Variants in UROC1 observed in about 807,000 individuals in gnomAD.
UROC1 encodes urocanate hydratase 1.
A neutral mutation model predicts 89.5 loss-of-function variants in UROC1; 79 were observed. The observed-to-expected ratio is 0.88, with a 90% confidence interval of 0.74 to 1.06. UROC1 has a LOEUF of 1.06. Among genes scored for constraint, UROC1 ranks in the 50% least tolerant of loss-of-function variants. The pLI is 0.00. For synonymous variants in UROC1, 361 were observed against 354.8 expected, an observed-to-expected ratio of 1.02 and a Z score of -0.20; for missense variants, 885 against 907.8, an observed-to-expected ratio of 0.97 and a Z score of 0.32.
rs779870502 is a variant in UROC1, at chr3:126,496,125, A to C, written c.1439-17T>G. The C allele has an allele frequency of 2.5e-6, 4 of 1,610,738 alleles. No individual in the cohort carries two copies. The Admixed American group carries it at 6.7e-5, about 27-fold the overall frequency. ...ACACCTTCACTGCAGGAGAGAGGAC[A>C]GCAGGCGTCAGAGACCCTCCAGGGG... is the stretch of plus-strand genomic sequence containing the variant. On this transcript the variant is annotated splice_polypyrimidine_tract_variant and intron_variant, in intron 14 of 19. Coordinates refer to ENST00000290868, the MANE Select transcript of UROC1 (RefSeq NM_144639.3).
rs1424414239 is a variant in UROC1 at position 126,483,376 on chromosome 3, G to A, written c.1883C>T (p.Ser628Phe). The A allele has an allele frequency of 6.2e-7, 1 of 1,613,126 alleles. No homozygotes were observed. The highest frequency in any genetic ancestry group is 2.2e-5 in the East Asian group (1 of 44,878). ...AGGACTGGGCTGACTTACACCATTGGAGACATCCCAGCTGAGCATCAGCCT... is the reference window on the plus strand; with the variant it reads ...AGGACTGGGCTGACTTACACCATTGAAGACATCCCAGCTGAGCATCAGCCT... ...RARLMLSWDV[S>F]NGVARRCWSG... Residue 628 changes from serine (S) to phenylalanine (F), a missense_variant, in exon 19 of 20, where the codon TCC becomes TTC. Physicochemically the swap from Ser to Phe is radical, Grantham distance 155. Coordinates refer to ENST00000290868, the MANE Select transcript of UROC1 (RefSeq NM_144639.3).
intron 16 of UROC1, 121 bp from the exon 17 acceptor site, chr3:126,489,496 C>A (rs545882844): frequency 5.2e-6 from 4 of 773,314 alleles, no homozygotes; most frequent in African/African-American, 3.4e-5. Context: ...GGAAAATAGA[C>A]CCTCTTCACA....
intron 16 of UROC1, among the ~76,000 whole-genome samples, chr3:126,491,225 AT>A (rs763772260): frequency 1.3e-5 from 2 of 151,958 alleles, no homozygotes; most frequent in Non-Finnish European, 2.9e-5. Flanking sequence ...CGCCATGTTC[AT>A]TTCCTGCACG....
At position 126,498,120 on chromosome 3, in the gene UROC1, C is replaced by T. The variant is rs762380311; in HGVS notation, c.1369G>A (p.Asp457Asn). Residue 457 changes from aspartate (D) to asparagine (N), a missense_variant, in exon 14 of 20, where the codon GAC becomes AAC. Transcript: ENST00000290868. ...TCTGTGACCGCCAGGTCCTGGGGGT[C>T]CCCCGATGTGCACACCCAGCGGAAA... The part of the protein sequence containing the change: ...GPFRWVCTSG[D>N]PQDLAVTDEL... The T allele has an allele frequency of 6.2e-6, 10 of 1,614,060 alleles. No homozygotes were observed. The African/African-American group carries it at 1.1e-4, about 17-fold the overall frequency.
At chr3:126,504,925 G>A (rs1936019194) in intron 8 of UROC1, among the ~76,000 whole-genome samples, 1 of 152,180 alleles carries the variant, frequency 6.6e-6, no homozygotes. Flanking sequence ...CTGATGGGGG[G>A]TGTTTGGGTC....
At chr3:126,502,064 A>C in intron 9 of UROC1, 2 of 1,107,652 alleles carry the variant, frequency 1.8e-6, no homozygotes, top group Non-Finnish European at 2.5e-6. Flanking sequence ...ATTTTGATGT[A>C]TGTGTATGTG....
chr3:126,496,092 C>T lies in UROC1; in HGVS notation c.1455G>A (p.Lys485=). The change falls in exon 15 of 20, where the codon AAG becomes AAA. Residue 485 remains lysine (K), a synonymous_variant. Transcript: ENST00000290868. ...AIADGVKVSV[K]LQYMDNIRWI... The stretch of plus-strand genomic sequence containing the variant: ...AGCGGATGTTGTCCATGTACTGCAG[C>T]TTCACAGACACCTTCACTGCAGGAG... The T allele has an allele frequency of 6.2e-7, 1 of 1,613,340 alleles. No homozygotes were observed.
In UROC1 at chr3:126,483,432, C is replaced by T; in HGVS notation, c.1827G>A (p.Leu609=). The change falls in exon 19 of 20, where the codon CTG becomes CTA. Residue 609 remains leucine (L), a synonymous_variant. Transcript: ENST00000290868. ...TCCCCTCGGCCTCCGGGGTACCGTC[C>T]AGCACGAGGCCGAATCCCCCGTTGA... The part of the protein sequence containing the change: ...EVINGGFGLV[L]DGTPEAEGRA... The T allele has an allele frequency of 6.2e-7, 1 of 1,613,852 alleles. No individual in the cohort carries two copies. Among genetic ancestry groups the T allele is most frequent in the African/African-American group, 1.3e-5 (1 of 75,066 alleles).
rs777162900 is a variant in UROC1 at position 126,505,928 on chromosome 3, G to A, written c.669+17C>T. The A allele has an allele frequency of 2.6e-5, 41 of 1,607,646 alleles. No homozygotes were observed. The highest frequency in any genetic ancestry group is 1.8e-4 in the African/African-American group (13 of 73,866). On this transcript the variant is annotated intron_variant, in intron 7 of 19. Transcript: ENST00000290868. ...CATGCTGGGAAGCCCACAGCCAGGC[G>A]TGGCCCCATCTCTCACCACAGTGCC... is the stretch of plus-strand genomic sequence containing the variant.
rs1935439499 is a variant in UROC1 at position 126,483,458 on chromosome 3, T to A, written c.1801A>T (p.Ile601Phe). ...NGGGVGWGEVINGGFGLVLDG... is the reference protein window; with the variant it reads ...NGGGVGWGEVFNGGFGLVLDG... ...AGCACGAGGCCGAATCCCCCGTTGA[T>A]CACCTCACCCCTGCAGGAGGCAGAG... The change falls in exon 19 of 20, where the codon ATC (isoleucine) becomes TTC (phenylalanine). Residue 601 changes from isoleucine to phenylalanine, a missense_variant. Coordinates refer to ENST00000290868, the MANE Select transcript of UROC1 (RefSeq NM_144639.3). The A allele has an allele frequency of 6.2e-7, 1 of 1,613,732 alleles. No individual in the cohort carries two copies. Among genetic ancestry groups the A allele is most frequent in the South Asian group, 1.1e-5 (1 of 91,084 alleles).
Position 126,500,147 on chromosome 3 carries a change from TCC to T in UROC1, c.1151_1152del (p.Arg384LysfsTer94), listed in dbSNP as rs771687007. 5.0e-6 allele frequency: 8 copies of T among 1,613,664 alleles called. No individual in the cohort carries two copies. The highest frequency in any genetic ancestry group is 6.8e-6 in the Non-Finnish European group (8 of 1,179,970). ...AACCTGTTGATGGCTGAGACTTGCC[TCC>T]TCAGGCTGCAACAAGCCATGGGTCA... ...VFKDLVQESL[R>X]RQVSAINRLA... On this transcript the variant is annotated frameshift_variant, in exon 12 of 20. Transcript: ENST00000290868. LOFTEE classifies it high-confidence loss of function.
intron 1 of UROC1, among the ~76,000 whole-genome samples, chr3:126,514,413 C>T (rs991630629): frequency 6.6e-6 from 1 of 152,146 alleles, no homozygotes; most frequent in African/African-American, 2.4e-5. Flanking sequence ...CTGCTCCAGT[C>T]GTGTGACTGA....
chr3:126,507,517 T>A (rs2107547920), intron 6 of UROC1, among the ~76,000 whole-genome samples: 1 of 152,270 alleles, frequency 6.6e-6, no homozygotes, highest in East Asian at 1.9e-4. Context: ...TAATAAAATG[T>A]GGAAAAAGGC....
intron 13 of UROC1, among the ~76,000 whole-genome samples, 184 bp from the exon 14 acceptor site, chr3:126,498,356 C>T (rs919348690): frequency 2.0e-5 from 3 of 152,148 alleles, no homozygotes; most frequent in Admixed American, 2.0e-4. Flanking sequence ...GTGCCCCCAG[C>T]CCTCCATCCC....
intron 8 of UROC1, 66 bp downstream of exon 8, chr3:126,505,635 A>AGAAG: frequency 7.8e-7 from 1 of 1,289,020 alleles, no homozygotes; most frequent in East Asian, 2.9e-5. Context: ...TCCGGGAGGA[A>AGAAG]GAAGGGAGGG....
At chr3:126,500,472 C>T (rs1935891652) in intron 11 of UROC1, among the ~76,000 whole-genome samples, 1 of 152,246 alleles carries the variant, frequency 6.6e-6, no homozygotes, top group Non-Finnish European at 1.5e-5. Context: ...CATGCCGGGA[C>T]TACACTGGGC....
At chr3:126,509,506 G>T in intron 3 of UROC1, 79 bp downstream of exon 3, 1 of 1,303,218 alleles carries the variant, frequency 7.7e-7, no homozygotes. Context: ...TCAAAATTAA[G>T]AGCTTAAAAG....
chr3:126,507,848 G>C, intron 5 of UROC1, 45 bp from the exon 6 acceptor site: 2 of 1,613,668 alleles, frequency 1.2e-6, no homozygotes, highest in South Asian at 2.2e-5. Context: ...AGGGCTTGGA[G>C]GGCGAGCACA....
At chr3:126,503,848 C>G (rs879444209) in intron 9 of UROC1, 147 bp downstream of exon 9, 4 of 850,014 alleles carry the variant, frequency 4.7e-6, no homozygotes, top group Non-Finnish European at 6.0e-6. Context: ...TGTATATGTA[C>G]ATGTGCATGT....
Sources: gnomAD v4.1 joint callset for allele counts (sites outside exome capture counted in the v4.1 genomes callset) on GRCh38, gnomAD v4.1.1 for gene constraint, MANE v1.5 for transcripts, NCBI Gene and HGNC (gene_info 2026-07-23, HGNC 2026-07-21) for gene names.